Variants in SNX29 observed in about 807,000 individuals in gnomAD.
SNX29 encodes sorting nexin-29.
In SNX29, 78 loss-of-function variants were observed where a neutral mutation model predicts 102.1. The ratio of observed to expected loss-of-function variants is 0.76; its 90% CI spans 0.64 to 0.92. SNX29 has a LOEUF of 0.92. Among genes scored for constraint, SNX29 ranks in the 40% least tolerant of loss-of-function variants. The pLI is 0.00. For missense variants in SNX29, 1,280 were observed against 1,061.7 expected (o/e 1.21, Z -2.86); for synonymous variants, 580 against 414.5 (o/e 1.40, Z -4.85).
Position 12,573,788 on chromosome 16 carries a change from C to A in SNX29, c.*5159C>A, listed in dbSNP as rs151031035. 232 of 222,420 alleles carry A rather than the reference C, an allele frequency of 1.0e-3. 5 individuals carry two copies. In the East Asian group the frequency reaches 0.015, roughly 14 times the overall value. The allele number at this position is 222,420 out of a possible 1,614,324, so 13.8% of individuals were successfully genotyped here. On this transcript the variant is annotated 3_prime_UTR_variant, in exon 21 of 21. Coordinates refer to ENST00000566228, the MANE Select transcript of SNX29 (RefSeq NM_032167.5). ...AGTGACCCCAGAGACCATTAATTTC[C>A]CGGAGTGAAGGGGATGGGGGTAGAG...
At position 11,999,368 on chromosome 16, in the gene SNX29, A is replaced by G; in HGVS notation, c.69+10A>G. On this transcript the variant is annotated intron_variant, in intron 2 of 20. Transcript: ENST00000566228. ...GGATGCAGTGAAACAGGTAAGCAGA[A>G]AGCACACATTTGCCTTTTTGGTCGA... 1 of 1,613,902 alleles carries G rather than the reference A, an allele frequency of 6.2e-7. No individual in the cohort carries two copies. Among genetic ancestry groups the G allele is most frequent in the South Asian group, 1.1e-5 (1 of 91,022 alleles).
At chr16:12,465,319 C>G (rs1278120744) in intron 18 of SNX29, among the ~76,000 whole-genome samples, 3 of 152,214 alleles carry the variant, frequency 2.0e-5, no homozygotes, top group Admixed American at 6.5e-5. Context: ...AGCTCATTCC[C>G]TATGTCTTCT....
At chr16:12,116,784 C>T (rs1210587525) in intron 11 of SNX29, among the ~76,000 whole-genome samples, 1 of 152,212 alleles carries the variant, frequency 6.6e-6, no homozygotes, top group Non-Finnish European at 1.5e-5. Context: ...CAGGCTTAGT[C>T]AATACCTGCT....
intron 19 of SNX29, among the ~76,000 whole-genome samples, chr16:12,491,472 A>T (rs920938366): frequency 6.6e-6 from 1 of 151,746 alleles, no homozygotes; most frequent in African/African-American, 2.4e-5. Context: ...CACCAACACA[A>T]TGGGTATAAA....
intron 19 of SNX29, among the ~76,000 whole-genome samples, chr16:12,508,813 C>T (rs976849975): frequency 2.0e-5 from 3 of 152,132 alleles, no homozygotes; most frequent in African/African-American, 7.2e-5. Context: ...GGTACCTGTT[C>T]CTCCCCAGCC....
chr16:12,158,057 C>T (rs912884772), intron 13 of SNX29, among the ~76,000 whole-genome samples: 10 of 151,800 alleles, frequency 6.6e-5, no homozygotes, highest in African/African-American at 1.7e-4. Context: ...TCCAGCTGAC[C>T]GTGCATGAGT....
At chr16:12,154,539 C>T (rs1484453754) in intron 13 of SNX29, among the ~76,000 whole-genome samples, 1 of 152,174 alleles carries the variant, frequency 6.6e-6, no homozygotes, top group African/African-American at 2.4e-5. Flanking sequence ...AAAGGGTGTT[C>T]TGGCATTTCC....
intron 1 of SNX29, among the ~76,000 whole-genome samples, chr16:11,982,980 G>C (rs1162024783): frequency 2.6e-5 from 4 of 151,918 alleles, no homozygotes; most frequent in Non-Finnish European, 4.4e-5. Flanking sequence ...GTCCAGGCTG[G>C]AGTGCAGTGC....
At chr16:12,563,098 G>C (rs888086924) in intron 20 of SNX29, among the ~76,000 whole-genome samples, 1 of 142,214 alleles carries the variant, frequency 7.0e-6, no homozygotes, top group Admixed American at 6.8e-5. Flanking sequence ...CATAGAAGAC[G>C]CACGCTAACA....
chr16:12,563,250 C>T (rs1020378391), intron 20 of SNX29, among the ~76,000 whole-genome samples: 2 of 152,070 alleles, frequency 1.3e-5, no homozygotes, highest in Non-Finnish European at 2.9e-5. Flanking sequence ...CATCACTGAC[C>T]CCGCCCAGGT....
chr16:12,271,339 G>T (rs2079087013), intron 14 of SNX29, among the ~76,000 whole-genome samples: 1 of 152,208 alleles, frequency 6.6e-6, no homozygotes, highest in Admixed American at 6.5e-5. Context: ...TTGGCTGCGT[G>T]CATCAGTTCC....
chr16:12,035,010 CA>C (rs1259649140), intron 4 of SNX29, among the ~76,000 whole-genome samples: 90 of 142,124 alleles, frequency 6.3e-4, no homozygotes, highest in Middle Eastern at 7.3e-3. Flanking sequence ...GACTCCACCT[CA>C]AAAAAAAAAA....
At chr16:12,263,095 T>C (rs1258097107) in intron 14 of SNX29, among the ~76,000 whole-genome samples, 1 of 152,128 alleles carries the variant, frequency 6.6e-6, no homozygotes, top group African/African-American at 2.4e-5. Context: ...GACATTGTTA[T>C]TATTGTCATG....
chr16:12,015,551 T>C (rs1469590613), intron 3 of SNX29, among the ~76,000 whole-genome samples: 11 of 145,322 alleles, frequency 7.6e-5, no homozygotes, highest in Admixed American at 7.6e-4. Context: ...TTTTTTTTTT[T>C]CCGAGACGGA....
At chr16:12,313,231 C>T (rs2080621333) in intron 15 of SNX29, among the ~76,000 whole-genome samples, 1 of 152,162 alleles carries the variant, frequency 6.6e-6, no homozygotes, top group African/African-American at 2.4e-5. Flanking sequence ...CCAGGCTGGT[C>T]TTGAACTCCC....
intron 15 of SNX29, among the ~76,000 whole-genome samples, chr16:12,295,766 G>T (rs981621541): frequency 3.3e-5 from 5 of 151,944 alleles, no homozygotes; most frequent in African/African-American, 7.3e-5. Flanking sequence ...ATTGAAATTG[G>T]GTTCTTTTTT....
chr16:12,342,060 G>A (rs2081624897), intron 15 of SNX29, among the ~76,000 whole-genome samples: 1 of 152,154 alleles, frequency 6.6e-6, no homozygotes, highest in Admixed American at 6.5e-5. Context: ...AGGTAGATGT[G>A]GTCTTGTAAT....
chr16:12,562,697 T>C (rs537071741), intron 20 of SNX29, among the ~76,000 whole-genome samples: 249 of 152,218 alleles, frequency 1.6e-3, no homozygotes, highest in Non-Finnish European at 2.5e-3. Flanking sequence ...TTCTTTGGAG[T>C]CGAGATTGAA....
chr16:12,330,552 G>A (rs920928605), intron 15 of SNX29, among the ~76,000 whole-genome samples: 15 of 152,226 alleles, frequency 9.9e-5, no homozygotes, highest in Non-Finnish European at 1.9e-4. Context: ...TGGACGACAG[G>A]TGGTCACCAT....
Sources: allele counts gnomAD v4.1 joint callset (sites outside exome capture counted in the v4.1 genomes callset), GRCh38; gene constraint gnomAD v4.1.1; transcripts MANE v1.5; gene names NCBI Gene and HGNC (gene_info 2026-07-23, HGNC 2026-07-21).